The following CD163L1 variants were observed in gnomAD, a reference collection of about 807,000 sequenced individuals.
The protein encoded by CD163L1 is scavenger receptor cysteine-rich type 1 protein M160.
CD163L1 carries 124 observed loss-of-function variants against 165.4 expected under a neutral mutation model. The ratio of observed to expected loss-of-function variants is 0.75; its 90% CI spans 0.65 to 0.87. The LOEUF is 0.87. Among genes scored for constraint, CD163L1 ranks in the 40% least tolerant of loss-of-function variants. The pLI, the probability that CD163L1 is intolerant of heterozygous loss-of-function variation, is 0.00. For missense variants in CD163L1, 1,525 were observed against 1,799.9 expected (o/e 0.85, Z 2.76); for synonymous variants, 585 against 662.2 (o/e 0.88, Z 1.79).
intron 8 of CD163L1, among the ~76,000 whole-genome samples, chr12:7,394,776 A>G (rs1305199918): frequency 6.6e-6 from 1 of 152,146 alleles, no homozygotes. Flanking sequence ...ATCAAAAAGT[A>G]GGCAAAGGAT....
chr12:7,394,518 A>G (rs1381047514), intron 8 of CD163L1, among the ~76,000 whole-genome samples: 1 of 152,242 alleles, frequency 6.6e-6, no homozygotes, highest in Admixed American at 6.5e-5. Flanking sequence ...AATACCATTC[A>G]GGACATAAGC....
rs146684411 is a variant in CD163L1, at chr12:7,433,523, C to T, written c.296G>A (p.Arg99His). The T allele has an allele frequency of 5.4e-5, 87 of 1,612,718 alleles. No homozygotes were observed. The African/African-American group carries it at 6.9e-4, about 13-fold the overall frequency. Residue 99 changes from arginine (R) to histidine (H), a missense_variant, in exon 3 of 20, where the codon CGT (arginine) becomes CAT (histidine). Transcript: ENST00000313599. Reference sequence around the variant, plus strand: ...ATGTCTAGTCACGGCTTGTCCAAAACGAAACATGGCGAAAGAAAATGGACA... The same window carrying T: ...ATGTCTAGTCACGGCTTGTCCAAAATGAAACATGGCGAAAGAAAATGGACA... ...LGCPFSFAMF[R>H]FGQAVTRHGK...
At chr12:7,413,431 A>G (rs1948176827) in intron 4 of CD163L1, among the ~76,000 whole-genome samples, 1 of 152,228 alleles carries the variant, frequency 6.6e-6, no homozygotes, top group Non-Finnish European at 1.5e-5. Context: ...TACAGCAACC[A>G]GCGGATGCTA....
intron 18 of CD163L1, among the ~76,000 whole-genome samples, chr12:7,366,086 T>C (rs1947013025): frequency 6.6e-6 from 1 of 152,126 alleles, no homozygotes; most frequent in Non-Finnish European, 1.5e-5. Flanking sequence ...AATGAAATCA[T>C]GTTATATGTA....
the CD163L1 span, among the ~76,000 whole-genome samples, chr12:7,331,896 G>A: frequency 2.6e-5 from 4 of 152,204 alleles, no homozygotes; most frequent in Admixed American, 2.0e-4. Context: ...CCAAAGGAAC[G>A]CAGCTCCTCA....
intron 8 of CD163L1, among the ~76,000 whole-genome samples, chr12:7,379,988 G>A (rs912672939): frequency 6.6e-6 from 1 of 151,612 alleles, no homozygotes; most frequent in African/African-American, 2.4e-5. Context: ...AATCAAAAAA[G>A]AATAGAGTTT....
chr12:7,408,144 G>GTCTC (rs1018649109), intron 4 of CD163L1, among the ~76,000 whole-genome samples: 36 of 151,488 alleles, frequency 2.4e-4, no homozygotes, highest in Admixed American at 1.8e-3. Flanking sequence ...TTGTCTGTCT[G>GTCTC]TCTCTCTCTC....
intron 8 of CD163L1, among the ~76,000 whole-genome samples, chr12:7,394,114 CAA>C (rs773778503): frequency 7.1e-6 from 1 of 140,204 alleles, no homozygotes. Flanking sequence ...AACAAAAAAA[CAA>C]AAAAAAAATC....
chr12:7,441,377 G>A (rs746471014), intron 1 of CD163L1, 131 bp from the exon 2 acceptor site: 24 of 639,970 alleles, frequency 3.8e-5, no homozygotes, highest in African/African-American at 9.2e-5. Context: ...CAAGGATACC[G>A]CACAAGAAAG....
chr12:7,416,099 C>CT (rs1340289138), intron 4 of CD163L1, among the ~76,000 whole-genome samples: 1 of 152,168 alleles, frequency 6.6e-6, no homozygotes, highest in Non-Finnish European at 1.5e-5. Context: ...TGTTTCCTGA[C>CT]TTTTTAATGA....
chr12:7,389,962 A>ATATATATATATT (rs1421141991), intron 8 of CD163L1, among the ~76,000 whole-genome samples: 11,467 of 140,208 alleles, frequency 0.082, 726 homozygotes, highest in African/African-American at 0.18. Context: ...ATATATATTT[A>ATATATATATATT]TATATATATA....
At chr12:7,328,652 A>G in the CD163L1 span, 1 of 204,856 alleles carries the variant, frequency 4.9e-6, no homozygotes, top group Non-Finnish European at 9.9e-6. Context: ...GCTTAGAACA[A>G]GAAAGTGCAC....
At chr12:7,420,931 A>C (rs1445714816) in intron 4 of CD163L1, among the ~76,000 whole-genome samples, 2 of 150,050 alleles carry the variant, frequency 1.3e-5, no homozygotes, top group Non-Finnish European at 3.0e-5. Flanking sequence ...CAATTGCACA[A>C]ACATGGCAAC....
At chr12:7,380,659 G>T (rs1054309775) in intron 8 of CD163L1, among the ~76,000 whole-genome samples, 5 of 152,072 alleles carry the variant, frequency 3.3e-5, no homozygotes, top group African/African-American at 1.2e-4. Context: ...AGGAAGAAAA[G>T]ACTACAAATT....
chr12:7,376,133 C>T lies in CD163L1; in HGVS notation c.2372-119G>A, dbSNP rs376949437. ...CCATTCATCATTAGAACATCCCATT[C>T]GTAGGGGCTCAGAGGACAAGATTAG... On this transcript the variant is annotated intron_variant, in intron 9 of 19. Coordinates refer to ENST00000313599, the MANE Select transcript of CD163L1 (RefSeq NM_174941.6). 26 of 797,964 alleles carry T rather than the reference C, an allele frequency of 3.3e-5. 1 individual carries two copies. The African/African-American group carries it at 3.5e-4, about 11-fold the overall frequency. The allele number at this position is 797,964 out of a possible 1,614,324, so 49.4% of individuals were successfully genotyped here.
Position 7,368,151 on chromosome 12 carries a change from C to A in CD163L1, c.4119G>T (p.Leu1373=). The change falls in exon 17 of 20, where the codon CTG becomes CTT. Residue 1373 remains leucine (L), a synonymous_variant. Coordinates refer to ENST00000313599, the MANE Select transcript of CD163L1 (RefSeq NM_174941.6). The surrounding 1 kb of genome is among the most constrained non-coding windows in gnomAD (Gnocchi z 4.3). ...ILSSIFGLLL[L]VLFILFLTWC... ...ACGTGAGAAATAGAATAAACAGAAC[C>A]AGGAGAAGGAGCCCAAAGATACTGG... is the stretch of plus-strand genomic sequence containing the variant. 1 of 1,612,512 alleles carries A rather than the reference C, an allele frequency of 6.2e-7. No homozygotes were observed. Among genetic ancestry groups the A allele is most frequent in the Non-Finnish European group, 8.5e-7 (1 of 1,178,768 alleles).
At chr12:7,399,387 CTTT>C (rs1409379451) in intron 6 of CD163L1, among the ~76,000 whole-genome samples, 1 of 16,944 alleles carries the variant, frequency 5.9e-5, no homozygotes, top group Non-Finnish European at 1.5e-4. Context: ...TGACTTCTTT[CTTT>C]TTCTTTCTTT....
intron 18 of CD163L1, among the ~76,000 whole-genome samples, chr12:7,363,650 T>C (rs952805579): frequency 8.6e-5 from 13 of 151,724 alleles, no homozygotes; most frequent in Admixed American, 2.0e-4. Context: ...TGAACAACTA[T>C]AGACCAACAA....
At chr12:7,416,329 A>G (rs555132194) in intron 4 of CD163L1, among the ~76,000 whole-genome samples, 4 of 152,140 alleles carry the variant, frequency 2.6e-5, no homozygotes, top group Non-Finnish European at 5.9e-5. Flanking sequence ...CCTTTGTCAG[A>G]AGGATAGGTT....
Sources: gnomAD v4.1 joint callset for allele counts (sites outside exome capture counted in the v4.1 genomes callset) on GRCh38, gnomAD v4.1.1 for gene constraint, Gnocchi (gnomAD v3.1) non-coding constraint, MANE v1.5 for transcripts, NCBI Gene and HGNC (gene_info 2026-07-23, HGNC 2026-07-21) for gene names.